Variants in SLC38A9 observed in about 807,000 individuals in gnomAD.
The protein encoded by SLC38A9 is solute carrier family 38 member 9.
A neutral mutation model predicts 62.3 loss-of-function variants in SLC38A9; 48 were observed. That is an observed-to-expected ratio of 0.77 (90% confidence interval 0.61 to 0.98). The LOEUF (loss-of-function observed/expected upper bound fraction) is 0.98, where lower values mean the gene tolerates loss of function less well. SLC38A9 is among the 50% of genes least tolerant of loss of function. The pLI is 0.00. For missense variants in SLC38A9, 541 were observed against 679.8 expected, an observed-to-expected ratio of 0.80 and a Z score of 2.27; for synonymous variants, 204 against 227.7, an observed-to-expected ratio of 0.90 and a Z score of 0.94.
intron 9 of SLC38A9, among the ~76,000 whole-genome samples, chr5:55,653,157 G>A (rs1172189691): frequency 6.6e-6 from 1 of 152,014 alleles, no homozygotes; most frequent in African/African-American, 2.4e-5. Flanking sequence ...AGTAGAGAGG[G>A]CATTTTACCA....
chr5:55,710,067 C>CAAAAAAAA (rs1174162436), intron 2 of SLC38A9, among the ~76,000 whole-genome samples: 3 of 20,868 alleles, frequency 1.4e-4, no homozygotes, highest in Non-Finnish European at 2.4e-4. Context: ...GACTCCATCT[C>CAAAAAAAA]AAAAAAAAAA....
chr5:55,679,543 C>A (rs1243121070), intron 3 of SLC38A9, among the ~76,000 whole-genome samples: 3 of 151,282 alleles, frequency 2.0e-5, no homozygotes, highest in Admixed American at 6.6e-5. Context: ...TGCTGAGAAT[C>A]TCTTATTTCT....
intron 12 of SLC38A9, among the ~76,000 whole-genome samples, chr5:55,641,279 A>G (rs2150103647): frequency 6.6e-6 from 1 of 152,334 alleles, no homozygotes; most frequent in East Asian, 1.9e-4. Context: ...TGGAGCAGGC[A>G]TCTTTTCCAT....
chr5:55,693,588 G>A (rs972401550), intron 3 of SLC38A9, among the ~76,000 whole-genome samples: 1 of 152,096 alleles, frequency 6.6e-6, no homozygotes, highest in African/African-American at 2.4e-5. Flanking sequence ...ATTTTAGGGG[G>A]GAAATCACAT....
intron 3 of SLC38A9, among the ~76,000 whole-genome samples, chr5:55,687,235 C>A (rs1241775839): frequency 6.7e-6 from 1 of 150,258 alleles, no homozygotes; most frequent in Non-Finnish European, 1.5e-5. Context: ...GTCAGGAGAT[C>A]GAGACCACGG....
At chr5:55,661,529 G>A (rs2150275877) in intron 8 of SLC38A9, among the ~76,000 whole-genome samples, 1 of 148,314 alleles carries the variant, frequency 6.7e-6, no homozygotes, top group Non-Finnish European at 1.5e-5. Context: ...CCAGTGCAAT[G>A]TCAATCAAAT....
At chr5:55,673,467 C>T (rs984390193) in intron 3 of SLC38A9, 1 of 152,134 alleles carries the variant, frequency 6.6e-6, no homozygotes, top group African/African-American at 2.4e-5. Flanking sequence ...AATGAAAAGA[C>T]CAGGCAGAGT....
intron 2 of SLC38A9, among the ~76,000 whole-genome samples, chr5:55,700,508 G>A (rs1390566562): frequency 2.6e-5 from 4 of 151,958 alleles, no homozygotes; most frequent in Admixed American, 1.3e-4. Flanking sequence ...TTAATAGAAA[G>A]CAGTGTATAA....
intron 14 of SLC38A9, among the ~76,000 whole-genome samples, chr5:55,631,519 T>C (rs559844463): frequency 1.3e-5 from 2 of 152,342 alleles, no homozygotes; most frequent in East Asian, 3.9e-4. Flanking sequence ...CTTTGATGAA[T>C]ATAAATACAG....
At chr5:55,708,085 G>C (rs1213271364) in intron 2 of SLC38A9, among the ~76,000 whole-genome samples, 2 of 152,196 alleles carry the variant, frequency 1.3e-5, no homozygotes, top group Non-Finnish European at 2.9e-5. Context: ...TATTTCATTA[G>C]AGCAGCACCA....
Position 55,652,545 on chromosome 5 carries a change from T to C in SLC38A9, c.936A>G (p.Ser312=). The change falls in exon 10 of 16, where the codon TCA becomes TCG. Residue 312 remains serine (S), a synonymous_variant. Transcript: ENST00000396865. The stretch of plus-strand genomic sequence containing the variant: ...ACTACTTACCTAGGATATTAAATTT[T>C]GAAAAAAATGAAGGAGACTTGAAAT... The part of the protein sequence containing the change: ...LLNFKSPSFF[S]KFNILGTVSV... 6.2e-7 allele frequency: 1 copy of C among 1,600,314 alleles called. No homozygotes were observed. Among genetic ancestry groups the C allele is most frequent in the Non-Finnish European group, 8.5e-7 (1 of 1,173,484 alleles).
chr5:55,647,183 T>A (rs367548695), intron 11 of SLC38A9, among the ~76,000 whole-genome samples: 2 of 85,756 alleles, frequency 2.3e-5, no homozygotes, highest in Non-Finnish European at 5.8e-5. Flanking sequence ...TTATTTTATT[T>A]TTTATTTTTT....
At chr5:55,679,389 G>T (rs1270785534) in intron 3 of SLC38A9, among the ~76,000 whole-genome samples, 6 of 152,006 alleles carry the variant, frequency 3.9e-5, no homozygotes, top group Non-Finnish European at 7.4e-5. Context: ...TATAGACAAA[G>T]AACTTGACCT....
At chr5:55,697,407 C>T (rs1554068927) in intron 3 of SLC38A9, among the ~76,000 whole-genome samples, 1 of 151,980 alleles carries the variant, frequency 6.6e-6, no homozygotes, top group Non-Finnish European at 1.5e-5. Context: ...TTTGTGGATT[C>T]TTTTGGGTTT....
chr5:55,659,771 A>T (rs36090012), intron 8 of SLC38A9, among the ~76,000 whole-genome samples: 82,742 of 150,400 alleles, frequency 0.55, 23,921 homozygotes, highest in South Asian at 0.66. Context: ...TTTTTTATTT[A>T]TTTATTTTTT....
At chr5:55,633,400 G>T (rs951869738) in intron 14 of SLC38A9, 2 of 161,470 alleles carry the variant, frequency 1.2e-5, no homozygotes, top group Non-Finnish European at 2.7e-5. Flanking sequence ...TAGTTTCAAT[G>T]ACCAATAATT....
chr5:55,637,218 C>T (rs545599001), intron 12 of SLC38A9, among the ~76,000 whole-genome samples: 26 of 152,166 alleles, frequency 1.7e-4, no homozygotes, highest in African/African-American at 7.2e-5. Flanking sequence ...TTCAGCTTAT[C>T]TACTACCTGA....
At chr5:55,703,239 G>A (rs2150690211) in intron 2 of SLC38A9, among the ~76,000 whole-genome samples, 1 of 152,190 alleles carries the variant, frequency 6.6e-6, no homozygotes, top group South Asian at 2.1e-4. Context: ...GAGAAGTCAA[G>A]TAACTTGTCC....
intron 12 of SLC38A9, among the ~76,000 whole-genome samples, chr5:55,642,107 G>A (rs187303044): frequency 8.7e-4 from 133 of 152,186 alleles, no homozygotes; most frequent in Non-Finnish European, 1.1e-3. Context: ...GTGCAGTGGC[G>A]CGATCTCGGC....
Sources: gnomAD v4.1 joint callset for allele counts (sites outside exome capture counted in the v4.1 genomes callset) on GRCh38, gnomAD v4.1.1 for gene constraint, MANE v1.5 for transcripts, NCBI Gene and HGNC (gene_info 2026-07-23, HGNC 2026-07-21) for gene names.